Variants in CAMLG observed in about 807,000 individuals in gnomAD.
The protein encoded by CAMLG is calcium modulating ligand.
Under a neutral mutation model 28.9 loss-of-function variants are expected in CAMLG, and 23 were observed. The observed-to-expected ratio is 0.80, with a 90% CI of 0.57 to 1.13. The LOEUF (loss-of-function observed/expected upper bound fraction) is 1.13. CAMLG is among the 50% of genes most tolerant of loss of function. CAMLG has a pLI of 0.00. For synonymous variants in CAMLG, 141 were observed against 146.5 expected, an observed-to-expected ratio of 0.96 and a Z score of 0.27; for missense variants, 367 against 371.9, an observed-to-expected ratio of 0.99 and a Z score of 0.11.
At position 134,738,776 on chromosome 5, in the gene CAMLG, G is replaced by A. The variant is rs1279083234; in HGVS notation, c.156G>A (p.Arg52=). Reference sequence around the variant, plus strand: ...TCAACCGGATCATGGGCTTTCACAGGCCCGGGAGCGGCGCGGGTAAGAGCC... The same window carrying A: ...TCAACCGGATCATGGGCTTTCACAGACCCGGGAGCGGCGCGGGTAAGAGCC... The part of the protein sequence containing the change: ...QRINRIMGFH[R]PGSGAEEESQ... Residue 52 remains arginine (R), a synonymous_variant, in exon 1 of 4, where the codon AGG becomes AGA. Transcript: ENST00000297156. 1 of 1,613,930 alleles carries A rather than the reference G, an allele frequency of 6.2e-7. No individual in the cohort carries two copies. The highest frequency in any genetic ancestry group is 8.5e-7 in the Non-Finnish European group (1 of 1,179,996).
chr5:134,743,333 G>T (rs574030661), intron 2 of CAMLG, among the ~76,000 whole-genome samples: 41 of 152,236 alleles, frequency 2.7e-4, no homozygotes, highest in Admixed American at 7.2e-4. Context: ...CAGTTTTGGG[G>T]ACGCTAAAAG....
chr5:134,751,000 T>C lies in CAMLG; in HGVS notation c.*50T>C, dbSNP rs1753108937. 7 of 1,365,860 alleles carry C rather than the reference T, an allele frequency of 5.1e-6. No individual in the cohort carries two copies. The East Asian group carries it at 1.6e-4, about 31-fold the overall frequency. The allele number at this position is 1,365,860 out of a possible 1,614,324, so 84.6% of individuals were successfully genotyped here. A position where few individuals can be genotyped will look rare whatever the true frequency, so the allele number is the denominator to read the frequency against. On this transcript the variant is annotated 3_prime_UTR_variant, in exon 4 of 4. Transcript: ENST00000297156. ...GCTTACAAAAAAAAAAAAATCCTCTTCTATATTGCAGTGTCTCTAAAGGAG... is the reference window on the plus strand; with the variant it reads ...GCTTACAAAAAAAAAAAAATCCTCTCCTATATTGCAGTGTCTCTAAAGGAG...
In CAMLG at chr5:134,750,979, A is replaced by AT; in HGVS notation, c.*29_*30insT. 6.6e-7 allele frequency: 1 copy of AT among 1,523,754 alleles called. No homozygotes were observed. Among genetic ancestry groups the AT allele is most frequent in the Non-Finnish European group, 8.9e-7 (1 of 1,126,744 alleles). 94.4% of individuals were successfully genotyped at this position (1,523,754 alleles called of 1,614,324 possible). ...CTGTAGAACTGAGAAGGAGAAGCTTACAAAAAAAAAAAAATCCTCTTCTAT... is the reference window on the plus strand; with the variant it reads ...CTGTAGAACTGAGAAGGAGAAGCTTATCAAAAAAAAAAAAATCCTCTTCTAT... On this transcript the variant is annotated 3_prime_UTR_variant, in exon 4 of 4. Coordinates refer to ENST00000297156, the MANE Select transcript of CAMLG (RefSeq NM_001745.4).
At chr5:134,749,333 G>A (rs1010413897) in intron 3 of CAMLG, among the ~76,000 whole-genome samples, 13 of 152,110 alleles carry the variant, frequency 8.5e-5, no homozygotes, top group Admixed American at 7.2e-4. Flanking sequence ...CTCCCAAAGT[G>A]CTGGGATTAC....
rs1753119890 is a variant in CAMLG at position 134,752,016 on chromosome 5, C to T, written c.*1066C>T. ...TCCTTTTAACTAACTCAGTAACTGC[C>T]ATATTTTGTTGGGTTGTCTTCTTAA... is the stretch of plus-strand genomic sequence containing the variant. On this transcript the variant is annotated 3_prime_UTR_variant, in exon 4 of 4. Transcript: ENST00000297156. 6.6e-6 allele frequency: 1 copy of T among 152,134 alleles called. No homozygotes were observed. Among genetic ancestry groups the T allele is most frequent in the South Asian group, 2.1e-4 (1 of 4,832 alleles). The allele number at this position is 152,134 out of a possible 1,614,324, so 9.4% of individuals were successfully genotyped here. A position where few individuals can be genotyped will look rare whatever the true frequency, so the allele number is the denominator to read the frequency against.
At position 134,741,402 on chromosome 5, in the gene CAMLG, G is replaced by A. The variant is rs78483659; in HGVS notation, c.512G>A (p.Ser171Asn). The A allele has an allele frequency of 1.9e-6, 3 of 1,614,008 alleles. No homozygotes were observed. The highest frequency in any genetic ancestry group is 2.5e-6 in the Non-Finnish European group (3 of 1,179,964). ...EAMKLRKQLISEKPSQEDGNT... is the reference protein window; with the variant it reads ...EAMKLRKQLINEKPSQEDGNT... The stretch of plus-strand genomic sequence containing the variant: ...ATGAAGCTAAGGAAACAGCTGATTA[G>A]TGAAAAACCCAGTCAAGAGGATGGA... The change falls in exon 2 of 4, where the codon AGT becomes AAT. Residue 171 changes from serine to asparagine, a missense_variant. Coordinates refer to ENST00000297156, the MANE Select transcript of CAMLG (RefSeq NM_001745.4).
chr5:134,747,388 G>A (rs1753061657), intron 3 of CAMLG, among the ~76,000 whole-genome samples: 1 of 151,132 alleles, frequency 6.6e-6, no homozygotes, highest in African/African-American at 2.4e-5. Context: ...GGCTTGCTCT[G>A]TCACCCAGGC....
intron 3 of CAMLG, among the ~76,000 whole-genome samples, chr5:134,748,322 G>A (rs1437124927): frequency 2.0e-5 from 3 of 152,268 alleles, no homozygotes; most frequent in East Asian, 3.9e-4. Flanking sequence ...CGAGATGGGC[G>A]GATCACCTGA....
rs1753105606 is a variant in CAMLG at position 134,750,879 on chromosome 5, CTCTG to C, written c.822_825del (p.Cys275SerfsTer45). 1 of 1,613,674 alleles carries C rather than the reference CTCTG, an allele frequency of 6.2e-7. No homozygotes were observed. The highest frequency in any genetic ancestry group is 8.5e-7 in the Non-Finnish European group (1 of 1,179,782). On this transcript the variant is annotated frameshift_variant, in exon 4 of 4. Coordinates refer to ENST00000297156, the MANE Select transcript of CAMLG (RefSeq NM_001745.4). LOFTEE classifies it high-confidence loss of function. ...CAAAATGGGCGAAGTCTTCACAGAT[CTCTG>C]TGTCTACTTTTTCACTTTTATCTTT...
At position 134,751,436 on chromosome 5, in the gene CAMLG, T is replaced by C. The variant is rs574160706; in HGVS notation, c.*486T>C. 2 of 152,456 alleles carry C rather than the reference T, an allele frequency of 1.3e-5. No homozygotes were observed. The highest frequency in any genetic ancestry group is 4.8e-5 in the African/African-American group (2 of 41,598). 9.4% of individuals were successfully genotyped at this position (152,456 alleles called of 1,614,324 possible). On this transcript the variant is annotated 3_prime_UTR_variant, in exon 4 of 4. Transcript: ENST00000297156. ...TCTTGTTGAGTTAGTATCTTAATTT[T>C]TACTCCAGCACAAGTATTTAATCAA...
In CAMLG at chr5:134,741,356, C is replaced by G; in HGVS notation, c.466C>G (p.Leu156Val). The G allele has an allele frequency of 6.2e-7, 1 of 1,614,198 alleles. No homozygotes were observed. Among genetic ancestry groups the G allele is most frequent in the African/African-American group, 1.3e-5 (1 of 75,048 alleles). ...RGSRHGLEQYLSRFEEAMKLR... is the reference protein window; with the variant it reads ...RGSRHGLEQYVSRFEEAMKLR... The stretch of plus-strand genomic sequence containing the variant: ...TTCCCGCCATGGCCTAGAGCAGTAC[C>G]TTTCCAGATTCGAAGAAGCAATGAA... The change falls in exon 2 of 4, where the codon CTT becomes GTT. Residue 156 changes from leucine (L) to valine (V), a missense_variant. Transcript: ENST00000297156.
At chr5:134,750,089 G>T (rs889694885) in intron 3 of CAMLG, among the ~76,000 whole-genome samples, 1 of 152,174 alleles carries the variant, frequency 6.6e-6, no homozygotes, top group Non-Finnish European at 1.5e-5. Flanking sequence ...TATATCTCCT[G>T]TGAGCTCCTA....
intron 1 of CAMLG, among the ~76,000 whole-genome samples, 166 bp from the exon 2 acceptor site, chr5:134,740,897 G>A (rs558353856): frequency 8.5e-5 from 13 of 152,176 alleles, no homozygotes; most frequent in Non-Finnish European, 1.3e-4. Context: ...CGTGAGCCAC[G>A]GCACCTGGCC....
At chr5:134,747,925 G>C (rs1356700941) in intron 3 of CAMLG, among the ~76,000 whole-genome samples, 1 of 147,950 alleles carries the variant, frequency 6.8e-6, no homozygotes, top group East Asian at 2.0e-4. Flanking sequence ...GCAGTGGCGA[G>C]ATCTCAGCTC....
intron 3 of CAMLG, 61 bp downstream of exon 3, chr5:134,744,113 T>C: frequency 2.6e-6 from 2 of 759,272 alleles, no homozygotes; most frequent in Middle Eastern, 2.3e-4. Context: ...GACTAGCTAA[T>C]TGAAGGAACT....
chr5:134,747,791 G>A (rs1187730725), intron 3 of CAMLG, among the ~76,000 whole-genome samples: 6 of 150,374 alleles, frequency 4.0e-5, no homozygotes, highest in Non-Finnish European at 8.8e-5. Flanking sequence ...ACAGGCACAC[G>A]CCACCAAGCC....
intron 1 of CAMLG, among the ~76,000 whole-genome samples, chr5:134,739,130 T>A (rs1369157745): frequency 2.0e-5 from 3 of 152,304 alleles, no homozygotes; most frequent in Non-Finnish European, 4.4e-5. Flanking sequence ...CCCCAGACTG[T>A]CATGTCTACT....
intron 3 of CAMLG, among the ~76,000 whole-genome samples, chr5:134,744,622 T>C (rs1753024363): frequency 6.6e-6 from 1 of 152,108 alleles, no homozygotes; most frequent in African/African-American, 2.4e-5. Context: ...TACTGTGGAT[T>C]GAGGTCCTTC....
chr5:134,743,257 G>A lies in CAMLG; in HGVS notation c.634-730G>A, dbSNP rs80112958. Among the ~76,000 whole-genome samples, 1,499 of 152,216 alleles carry A rather than the reference G, an allele frequency of 9.8e-3. 34 individuals are homozygous for A. The highest frequency in any genetic ancestry group is 0.034 in the African/African-American group (1,417 of 41,546). On this transcript the variant is annotated intron_variant, in intron 2 of 3. Coordinates refer to ENST00000297156, the MANE Select transcript of CAMLG (RefSeq NM_001745.4). ...GAGATGTTACCGCATCTGTGTTACT[G>A]TGTTAAACATCTGTCACCATTTAAT... is the stretch of plus-strand genomic sequence containing the variant.
Sources: allele counts gnomAD v4.1 joint callset (sites outside exome capture counted in the v4.1 genomes callset), GRCh38; gene constraint gnomAD v4.1.1; transcripts MANE v1.5; gene names NCBI Gene and HGNC (gene_info 2026-07-23, HGNC 2026-07-21).